TENM4: variants seen among roughly 807,000 people sequenced by gnomAD.
TENM4 encodes teneurin-4.
TENM4 carries 82 observed loss-of-function variants against 243.3 expected under a neutral mutation model. The observed-to-expected ratio is 0.34, with a 90% CI of 0.28 to 0.40. The LOEUF is 0.40. TENM4 is among the 10% of genes least tolerant of loss of function. TENM4 has a pLI of 1.00. For synonymous variants in TENM4, 1,412 were observed against 1,456.3 expected, an observed-to-expected ratio of 0.97 and a Z score of 0.69; for missense variants, 3,138 against 3,673.3, an observed-to-expected ratio of 0.85 and a Z score of 3.77.
chr11:79,283,573 A>G (rs950264971), intron 2 of TENM4, among the ~76,000 whole-genome samples: 1 of 152,198 alleles, frequency 6.6e-6, no homozygotes, highest in Non-Finnish European at 1.5e-5. Flanking sequence ...AACTTGATAG[A>G]GGTCATCTAC....
At chr11:78,983,386 C>G (rs1346161857) in intron 6 of TENM4, among the ~76,000 whole-genome samples, 1 of 152,200 alleles carries the variant, frequency 6.6e-6, no homozygotes, top group African/African-American at 2.4e-5. Context: ...ATTTTAATAT[C>G]TGTTTGCAGA....
intron 6 of TENM4, among the ~76,000 whole-genome samples, chr11:78,918,232 G>A (rs1396910522): frequency 6.6e-6 from 1 of 152,008 alleles, no homozygotes; most frequent in Non-Finnish European, 1.5e-5. Flanking sequence ...TGTGGTCCTC[G>A]TCAATGCCCT....
chr11:78,736,098 G>A (rs1431112817), intron 20 of TENM4, among the ~76,000 whole-genome samples: 1 of 151,930 alleles, frequency 6.6e-6, no homozygotes, highest in African/African-American at 2.4e-5. Flanking sequence ...GACTACAGGT[G>A]CATGCCACCA....
chr11:79,215,529 T>C (rs1864035005), intron 3 of TENM4, among the ~76,000 whole-genome samples: 1 of 152,112 alleles, frequency 6.6e-6, no homozygotes. Context: ...CCCCATCACA[T>C]ACCTGCTAGA....
chr11:79,428,590 G>T (rs571304583), intron 1 of TENM4, among the ~76,000 whole-genome samples: 1 of 152,322 alleles, frequency 6.6e-6, no homozygotes, highest in East Asian at 1.9e-4. Flanking sequence ...ACAAAAGTAG[G>T]TCAAAGGACT....
At chr11:79,075,384 C>T (rs1388454366) in intron 4 of TENM4, among the ~76,000 whole-genome samples, 5 of 152,214 alleles carry the variant, frequency 3.3e-5, no homozygotes, top group Admixed American at 1.3e-4. Flanking sequence ...TCCTGGCCAC[C>T]TCCTAGCTGT....
chr11:79,098,817 T>C (rs1210319748), intron 4 of TENM4, among the ~76,000 whole-genome samples: 4 of 152,114 alleles, frequency 2.6e-5, no homozygotes, highest in African/African-American at 9.7e-5. Context: ...CCTGGACAAT[T>C]TCAGTGTGAA....
At chr11:79,027,802 G>T (rs753763860) in intron 6 of TENM4, among the ~76,000 whole-genome samples, 1 of 152,158 alleles carries the variant, frequency 6.6e-6, no homozygotes, top group African/African-American at 2.4e-5. Flanking sequence ...ACAATAGCTA[G>T]ACCTATCTGT....
intron 3 of TENM4, among the ~76,000 whole-genome samples, chr11:79,207,165 G>T (rs1015825911): frequency 2.0e-5 from 3 of 152,166 alleles, no homozygotes; most frequent in Admixed American, 2.0e-4. Context: ...CCTCCAGGGG[G>T]ACCTGGGAGA....
intron 2 of TENM4, among the ~76,000 whole-genome samples, chr11:79,232,056 A>G (rs971883875): frequency 2.0e-5 from 3 of 152,178 alleles, no homozygotes; most frequent in Non-Finnish European, 4.4e-5. Flanking sequence ...CTCCAGTCTG[A>G]GGGACAGGGT....
chr11:79,421,558 A>G (rs541535120), intron 1 of TENM4, among the ~76,000 whole-genome samples: 140 of 152,348 alleles, frequency 9.2e-4, no homozygotes, highest in African/African-American at 3.3e-3. Flanking sequence ...GAGAGAGTTC[A>G]TATTATAATT....
intron 1 of TENM4, among the ~76,000 whole-genome samples, chr11:79,341,839 G>A (rs1359780653): frequency 6.6e-6 from 1 of 152,190 alleles, no homozygotes; most frequent in Non-Finnish European, 1.5e-5. Flanking sequence ...CTTATGGGTG[G>A]TGTGGTAAAG....
At chr11:78,999,572 G>T (rs907069040) in intron 6 of TENM4, among the ~76,000 whole-genome samples, 6 of 152,014 alleles carry the variant, frequency 3.9e-5, no homozygotes, top group African/African-American at 1.4e-4. Context: ...TAAATAAAAA[G>T]AGAACAGTAA....
intron 18 of TENM4, among the ~76,000 whole-genome samples, chr11:78,768,925 T>G (rs969166981): frequency 6.6e-6 from 1 of 152,210 alleles, no homozygotes; most frequent in East Asian, 1.9e-4. Context: ...AAGGATACAC[T>G]TGAATTGCAT....
chr11:78,670,984 A>C (rs1858310282), intron 31 of TENM4, among the ~76,000 whole-genome samples: 1 of 152,234 alleles, frequency 6.6e-6, no homozygotes, highest in South Asian at 2.1e-4. Flanking sequence ...TCCTTGCCCC[A>C]GACTTCTCAA....
chr11:79,421,264 A>T (rs1420889556), intron 1 of TENM4, among the ~76,000 whole-genome samples: 1 of 152,110 alleles, frequency 6.6e-6, no homozygotes, highest in Admixed American at 6.5e-5. Flanking sequence ...CCCCCCCTCA[A>T]AAAAAAGGTA....
Position 79,061,211 on chromosome 11 carries a change from C to G in TENM4, c.493+3527G>C, listed in dbSNP as rs533176167. On this transcript the variant is annotated intron_variant, in intron 6 of 33. Transcript: ENST00000278550. ...AATCAGTGAATAAAAGGGAGCCATT[C>G]CCATGATTGCTGTCATTATTTAGAT... Among the ~76,000 whole-genome samples, 5 of 152,268 alleles carry G rather than the reference C, an allele frequency of 3.3e-5. No individual in the cohort carries two copies. The East Asian group carries it at 9.7e-4, about 29-fold the overall frequency.
intron 4 of TENM4, among the ~76,000 whole-genome samples, chr11:79,138,327 ATATT>A (rs1404699329): frequency 1.8e-5 from 2 of 109,528 alleles, no homozygotes; most frequent in East Asian, 2.2e-4. Flanking sequence ...ATATATATAT[ATATT>A]ATATATATAA....
At chr11:79,418,766 C>A (rs1466242903) in intron 1 of TENM4, among the ~76,000 whole-genome samples, 1 of 152,178 alleles carries the variant, frequency 6.6e-6, no homozygotes, top group Non-Finnish European at 1.5e-5. Context: ...ACATTTACAC[C>A]CCACTCCAAT....
Sources: allele counts gnomAD v4.1 joint callset (sites outside exome capture counted in the v4.1 genomes callset), GRCh38; gene constraint gnomAD v4.1.1; transcripts MANE v1.5; gene names NCBI Gene and HGNC (gene_info 2026-07-23, HGNC 2026-07-21).